PPP2R5C: variants seen among roughly 807,000 people sequenced by gnomAD.
PPP2R5C encodes the protein protein phosphatase 2 regulatory subunit B'gamma.
PPP2R5C carries 7 observed loss-of-function variants against 68.9 expected under a neutral mutation model. The ratio of observed to expected loss-of-function variants is 0.10; its 90% CI spans 0.06 to 0.19. The LOEUF (loss-of-function observed/expected upper bound fraction) is 0.19. Ranked by LOEUF, PPP2R5C falls within the 10% of genes least tolerant of loss-of-function variation. The pLI is 1.00. For missense variants in PPP2R5C, 348 were observed against 641.3 expected, an observed-to-expected ratio of 0.54 and a Z score of 4.94; for synonymous variants, 210 against 222.2, an observed-to-expected ratio of 0.95 and a Z score of 0.49.
intron 13 of PPP2R5C, chr14:101,921,054 CTTTTTT>C (rs35320139): frequency 1.3e-4 from 7 of 53,466 alleles, no homozygotes; most frequent in Non-Finnish European, 1.4e-4. Context: ...ATAAATTCTG[CTTTTTT>C]TTTTTTTTTT....
At position 101,882,157 on chromosome 14, in the gene PPP2R5C, T is replaced by C. The variant is rs1162755337; in HGVS notation, c.295-4T>C. On this transcript the variant is annotated splice_region_variant and splice_polypyrimidine_tract_variant and intron_variant, in intron 2 of 13. Coordinates refer to ENST00000334743, the Ensembl canonical transcript of PPP2R5C. The surrounding 1 kb of genome is among the most constrained non-coding windows in gnomAD (Gnocchi z 4.9). ...ATTGTAATTATAGAATATGTGGATT[T>C]TAGTTTGCAGTTAACATGTTTCGAA... The C allele has an allele frequency of 6.3e-7, 1 of 1,583,120 alleles. No homozygotes were observed. Among genetic ancestry groups the C allele is most frequent in the Admixed American group, 1.8e-5 (1 of 55,404 alleles).
chr14:101,878,109 G>T (rs557010337), intron 2 of PPP2R5C, among the ~76,000 whole-genome samples: 1 of 152,234 alleles, frequency 6.6e-6, no homozygotes, highest in African/African-American at 2.4e-5. Context: ...TTTGCTCCGA[G>T]CAAGTGCAGA....
intron 1 of PPP2R5C, among the ~76,000 whole-genome samples, chr14:101,827,245 G>A (rs2040454778): frequency 6.6e-6 from 1 of 151,904 alleles, no homozygotes; most frequent in African/African-American, 2.4e-5. Context: ...CAAAGTGCTG[G>A]GATTACAGGC....
At chr14:101,843,456 T>G (rs2041625525) in intron 1 of PPP2R5C, 1 of 203,866 alleles carries the variant, frequency 4.9e-6, no homozygotes, top group East Asian at 1.1e-4. Context: ...CCAGAAGCCA[T>G]TCACATAATT....
chr14:101,908,371 T>C (rs1364684304), intron 10 of PPP2R5C, among the ~76,000 whole-genome samples: 1 of 152,070 alleles, frequency 6.6e-6, no homozygotes, highest in African/African-American at 2.4e-5. Flanking sequence ...ATTGATTTAT[T>C]TTATTTATTT....
At chr14:101,919,326 A>G (rs1271652033) in intron 13 of PPP2R5C, among the ~76,000 whole-genome samples, 1 of 152,272 alleles carries the variant, frequency 6.6e-6, no homozygotes, top group Non-Finnish European at 1.5e-5. Flanking sequence ...AAGACTTGGA[A>G]TATCAGTAAC....
At chr14:101,900,247 C>T (rs543649475) in intron 8 of PPP2R5C, among the ~76,000 whole-genome samples, 2 of 152,234 alleles carry the variant, frequency 1.3e-5, no homozygotes, top group South Asian at 4.2e-4. Flanking sequence ...TAAAAGATTA[C>T]CTGGGAGCCC....
chr14:101,816,008 AATGAGAAGCTC>A (rs1354446466), intron 1 of PPP2R5C, among the ~76,000 whole-genome samples: 1 of 152,236 alleles, frequency 6.6e-6, no homozygotes, highest in Non-Finnish European at 1.5e-5. Flanking sequence ...TCATCAGTGG[AATGAGAAGCTC>A]ATGAGAAGCT....
At chr14:101,895,451 C>A (rs1203421288) in intron 8 of PPP2R5C, among the ~76,000 whole-genome samples, 1 of 152,162 alleles carries the variant, frequency 6.6e-6, no homozygotes, top group Non-Finnish European at 1.5e-5. Flanking sequence ...AACAGAAATT[C>A]TACCCATTAA....
rs1017327558 is a variant in PPP2R5C at position 101,765,039 on chromosome 14, T to G, written c.93+2069T>G. The G allele has an allele frequency of 4.8e-6, 3 of 623,952 alleles. No individual in the cohort carries two copies. In the African/African-American group the frequency reaches 5.5e-5, roughly 11 times the overall value. 38.7% of individuals were successfully genotyped at this position (623,952 alleles called of 1,614,324 possible). A position where few individuals can be genotyped will look rare whatever the true frequency, so the allele number is the denominator to read the frequency against. ...TCTCAGTAGTTCAAAGATACCAAAA[T>G]CACTACTATGTGAAATGTGTGTTTT... On this transcript the variant is annotated intron_variant, in intron 2 of 14. Transcript: ENST00000328724.
At chr14:101,801,280 T>G (rs2038851115) in intron 3 of PPP2R5C, among the ~76,000 whole-genome samples, 1 of 152,210 alleles carries the variant, frequency 6.6e-6, no homozygotes, top group Non-Finnish European at 1.5e-5. Flanking sequence ...TCTGACCTGG[T>G]CATTACACAT....
At chr14:101,787,766 C>CA (rs756927904) in intron 3 of PPP2R5C, among the ~76,000 whole-genome samples, 11,620 of 68,894 alleles carry the variant, frequency 0.17, 785 homozygotes, top group Non-Finnish European at 0.22. Flanking sequence ...GACTCCATCT[C>CA]AAAAAAAAAA....
chr14:101,761,884 C>G (rs1275750199), upstream of PPP2R5C: 5 of 1,148,712 alleles, frequency 4.4e-6, no homozygotes, highest in Admixed American at 5.0e-5. Flanking sequence ...GGCGGCGGCC[C>G]GCTCCAGCCA....
chr14:101,915,176 A>G lies in PPP2R5C; in HGVS notation c.1327-2655A>G, dbSNP rs1210798051. On this transcript the variant is annotated intron_variant, in intron 12 of 13. Coordinates refer to ENST00000334743, the Ensembl canonical transcript of PPP2R5C. This position sits in a 1 kb window ranked among gnomAD's most constrained non-coding sequence, Gnocchi z 4.2. ...ACCACAACCTCCGCCTCCCAGGTTC[A>G]AGCAGTCCTCCGGAGTGCCTCAGCC... is the stretch of plus-strand genomic sequence containing the variant. Among the ~76,000 whole-genome samples the G allele has an allele frequency of 6.6e-6, 1 of 152,146 alleles. No homozygotes were observed. Among genetic ancestry groups the G allele is most frequent in the East Asian group, 1.9e-4 (1 of 5,194 alleles).
intron 2 of PPP2R5C, among the ~76,000 whole-genome samples, chr14:101,871,415 GT>G (rs1350919489): frequency 3.3e-5 from 5 of 152,090 alleles, no homozygotes; most frequent in African/African-American, 9.6e-5. Flanking sequence ...GGCTAATTTT[GT>G]ATTTTTAGCA....
intron 1 of PPP2R5C, among the ~76,000 whole-genome samples, chr14:101,816,061 C>A (rs1411131280): frequency 6.6e-6 from 1 of 152,230 alleles, no homozygotes; most frequent in Non-Finnish European, 1.5e-5. Flanking sequence ...CCTCTATACG[C>A]TGTAGTTAAC....
chr14:101,842,501 G>A (rs1009500561), intron 1 of PPP2R5C, among the ~76,000 whole-genome samples: 11 of 152,308 alleles, frequency 7.2e-5, no homozygotes, highest in Admixed American at 2.0e-4. Flanking sequence ...GGTGCTCTGC[G>A]TGCACTCATC....
intron 2 of PPP2R5C, among the ~76,000 whole-genome samples, chr14:101,870,527 G>T (rs1186327837): frequency 1.3e-5 from 2 of 152,204 alleles, no homozygotes; most frequent in Non-Finnish European, 2.9e-5. Flanking sequence ...CTGTTTGCCA[G>T]TCTCACACTG....
At chr14:101,767,600 C>T (rs185973074) in intron 2 of PPP2R5C, among the ~76,000 whole-genome samples, 73 of 152,252 alleles carry the variant, frequency 4.8e-4, no homozygotes, top group African/African-American at 1.7e-3. Context: ...CTAAGCTGAA[C>T]TTGAGTGAAA....
Sources: gnomAD v4.1 joint callset for allele counts (sites outside exome capture counted in the v4.1 genomes callset) on GRCh38, gnomAD v4.1.1 for gene constraint, Gnocchi (gnomAD v3.1) non-coding constraint, MANE v1.5 for transcripts, NCBI Gene and HGNC (gene_info 2026-07-23, HGNC 2026-07-21) for gene names.